Variants in ST18 observed in about 807,000 individuals in gnomAD.
ST18 encodes ST18 C2H2C-type zinc finger transcription factor.
Under a neutral mutation model 110.0 loss-of-function variants are expected in ST18, and 50 were observed. The ratio of observed to expected loss-of-function variants is 0.45; its 90% CI spans 0.36 to 0.58. The LOEUF is 0.58. Among genes scored for constraint, ST18 ranks in the 20% least tolerant of loss-of-function variants. The pLI is 0.00. For missense variants in ST18, 1,306 were observed against 1,280.1 expected (o/e 1.02, Z -0.31); for synonymous variants, 461 against 452.4 (o/e 1.02, Z -0.24).
chr8:52,267,483 T>TAAAAAAAAAAAAA (rs57769643), intron 2 of ST18, among the ~76,000 whole-genome samples: 1 of 115,040 alleles, frequency 8.7e-6, no homozygotes, highest in Non-Finnish European at 1.7e-5. Context: ...AGAGATAAGC[T>TAAAAAAAAAAAAA]AAAAAAAAAA....
rs185786635 is a variant in ST18 at position 52,223,036 on chromosome 8, A to G, written c.-418-1243T>C. On this transcript the variant is annotated intron_variant, in intron 3 of 25. Coordinates refer to ENST00000689386, the MANE Select transcript of ST18 (RefSeq NM_001352837.2). Reference sequence around the variant, plus strand: ...TGTTAGTAACCTAACGGGCTACCCAATTCTAAAGTGTGCTCTCTGATGATG... The same window carrying G: ...TGTTAGTAACCTAACGGGCTACCCAGTTCTAAAGTGTGCTCTCTGATGATG... Among the ~76,000 whole-genome samples, 181 of 152,330 alleles carry G rather than the reference A, an allele frequency of 1.2e-3. 1 individual carries two copies. Among genetic ancestry groups the G allele is most frequent in the Non-Finnish European group, 4.1e-4 (28 of 68,014 alleles).
rs557726360 is a variant in ST18, at chr8:52,124,309, G to A, written c.2755+1743C>T. ...CCTCCCTCAGCCTCCTGAGTAGCTC[G>A]GACTACAGGTGTGTGCCACCACACT... On this transcript the variant is annotated intron_variant, in intron 23 of 25. Transcript: ENST00000689386. 2.3e-3 allele frequency among the ~76,000 whole-genome samples: 349 copies of A among 152,008 alleles called. 2 individuals carry two copies. The highest frequency in any genetic ancestry group is 3.8e-3 in the Non-Finnish European group (259 of 67,982).
At chr8:52,254,828 T>C (rs554352441) in intron 2 of ST18, among the ~76,000 whole-genome samples, 1 of 152,264 alleles carries the variant, frequency 6.6e-6, no homozygotes, top group East Asian at 1.9e-4. Context: ...GACCTGGAAA[T>C]TATTTTCAGT....
At chr8:52,349,119 T>TA (rs974522261) in intron 2 of ST18, among the ~76,000 whole-genome samples, 1 of 152,182 alleles carries the variant, frequency 6.6e-6, no homozygotes, top group Non-Finnish European at 1.5e-5. Flanking sequence ...CGTTTTTTGT[T>TA]AAATCTGGAG....
chr8:52,236,088 C>A (rs193294868), intron 2 of ST18, among the ~76,000 whole-genome samples: 197 of 152,230 alleles, frequency 1.3e-3, no homozygotes, highest in African/African-American at 4.4e-3. Flanking sequence ...TAGAAAATAG[C>A]AGATGATGCT....
At chr8:52,188,046 G>A (rs2134618483) in intron 8 of ST18, among the ~76,000 whole-genome samples, 1 of 152,150 alleles carries the variant, frequency 6.6e-6, no homozygotes, top group Middle Eastern at 3.4e-3. Flanking sequence ...CGTAATAAGT[G>A]CTAAATAAAC....
chr8:52,222,473 A>T (rs988697440), intron 3 of ST18, among the ~76,000 whole-genome samples: 2 of 152,208 alleles, frequency 1.3e-5, no homozygotes, highest in Non-Finnish European at 2.9e-5. Context: ...TCCCTGGGGA[A>T]GAGAGTGAAG....
chr8:52,268,534 TC>T (rs1441570936), intron 2 of ST18, among the ~76,000 whole-genome samples: 3 of 139,486 alleles, frequency 2.2e-5, no homozygotes, highest in Non-Finnish European at 3.3e-5. Context: ...TTACTATCTA[TC>T]ATCTATCTAT....
chr8:52,381,536 T>C (rs1834509813), intron 2 of ST18, among the ~76,000 whole-genome samples: 2 of 152,244 alleles, frequency 1.3e-5, no homozygotes, highest in African/African-American at 4.8e-5. Flanking sequence ...ACAACTGCTC[T>C]TACAACTTAT....
At chr8:52,384,892 C>T (rs1388380843) in intron 2 of ST18, among the ~76,000 whole-genome samples, 1 of 152,062 alleles carries the variant, frequency 6.6e-6, no homozygotes, top group African/African-American at 2.4e-5. Context: ...GCTGTGAGCA[C>T]AGTATGGCAT....
chr8:52,264,110 A>G (rs1215459289), intron 2 of ST18, among the ~76,000 whole-genome samples: 2 of 152,084 alleles, frequency 1.3e-5, no homozygotes, highest in Non-Finnish European at 2.9e-5. Flanking sequence ...TACCACATAG[A>G]TTTTTTATAA....
intron 2 of ST18, among the ~76,000 whole-genome samples, chr8:52,237,330 C>T (rs763274879): frequency 1.3e-5 from 2 of 152,112 alleles, no homozygotes; most frequent in Admixed American, 6.5e-5. Flanking sequence ...ATTTGTTAAG[C>T]ATTCATTAAA....
At chr8:52,403,056 A>G (rs1004372624) in intron 2 of ST18, among the ~76,000 whole-genome samples, 1 of 152,130 alleles carries the variant, frequency 6.6e-6, no homozygotes, top group Non-Finnish European at 1.5e-5. Flanking sequence ...ACTGAAGTGC[A>G]TGCCTGCTCC....
At chr8:52,218,918 T>C (rs1287100712) in intron 5 of ST18, among the ~76,000 whole-genome samples, 1 of 151,966 alleles carries the variant, frequency 6.6e-6, no homozygotes, top group African/African-American at 2.4e-5. Context: ...GCTGGGGTCC[T>C]CTCCATGAGG....
chr8:52,234,332 TC>T (rs1396089648), intron 2 of ST18, among the ~76,000 whole-genome samples: 2 of 152,112 alleles, frequency 1.3e-5, no homozygotes, highest in Non-Finnish European at 2.9e-5. Flanking sequence ...TGGCTCAATC[TC>T]GGCTCACTGC....
chr8:52,351,742 T>C (rs1219073415), intron 2 of ST18, among the ~76,000 whole-genome samples: 1 of 152,244 alleles, frequency 6.6e-6, no homozygotes, highest in East Asian at 1.9e-4. Flanking sequence ...GCAACTTCTT[T>C]AAACTTGAAA....
intron 2 of ST18, among the ~76,000 whole-genome samples, chr8:52,338,553 A>T (rs1005664814): frequency 1.3e-5 from 2 of 151,772 alleles, no homozygotes; most frequent in African/African-American, 4.8e-5. Flanking sequence ...CCTCCAGAGT[A>T]GCTGGGACCA....
At chr8:52,264,100 T>C (rs1425835508) in intron 2 of ST18, among the ~76,000 whole-genome samples, 8 of 152,168 alleles carry the variant, frequency 5.3e-5, no homozygotes, top group Non-Finnish European at 8.8e-5. Flanking sequence ...CGCCTGGCAA[T>C]ACCACATAGA....
Position 52,113,974 on chromosome 8 carries a change from T to G in ST18, c.3004-636A>C, listed in dbSNP as rs2041499169. ...ACCGTGTTTTTTTTTTTTTTTTTTT[T>G]TTTTTTTTTTTTGGAGTCAGAGTCT... On this transcript the variant is annotated intron_variant, in intron 25 of 25. Transcript: ENST00000689386. Among the ~76,000 whole-genome samples, 3 of 120,812 alleles carry G rather than the reference T, an allele frequency of 2.5e-5. 1 individual carries two copies. The Admixed American group carries it at 2.7e-4, about 11-fold the overall frequency. The allele number at this position is 120,812 out of a possible 152,430, so 79.3% of individuals were successfully genotyped here.
Sources: allele counts gnomAD v4.1 joint callset (sites outside exome capture counted in the v4.1 genomes callset), GRCh38; gene constraint gnomAD v4.1.1; transcripts MANE v1.5; gene names NCBI Gene and HGNC (gene_info 2026-07-23, HGNC 2026-07-21).